SLC4A4: variants seen among roughly 807,000 people sequenced by gnomAD.
SLC4A4 encodes the protein solute carrier family 4 member 4.
SLC4A4 carries 27 observed loss-of-function variants against 111.5 expected under a neutral mutation model. The ratio of observed to expected loss-of-function variants is 0.24; its 90% CI spans 0.18 to 0.33. The LOEUF (loss-of-function observed/expected upper bound fraction) is 0.33, where lower values mean the gene tolerates loss of function less well. Among genes scored for constraint, SLC4A4 ranks in the 10% least tolerant of loss-of-function variants. The pLI is 1.00. For synonymous variants in SLC4A4, 443 were observed against 463.4 expected (o/e 0.96, Z 0.57); for missense variants, 909 against 1,315.5 (o/e 0.69, Z 4.78).
At chr4:71,547,817 C>T in intron 20 of SLC4A4, 97 bp downstream of exon 20, 1 of 1,033,996 alleles carries the variant, frequency 9.7e-7, no homozygotes, top group East Asian at 2.4e-5. Flanking sequence ...TTGCGAGATT[C>T]TCATCAGTTC....
At chr4:71,384,982 C>G (rs1013156290) in intron 6 of SLC4A4, among the ~76,000 whole-genome samples, 1 of 151,102 alleles carries the variant, frequency 6.6e-6, no homozygotes, top group Non-Finnish European at 1.5e-5. Flanking sequence ...ACCTATGTAA[C>G]AAAACTGCAC....
At chr4:71,262,650 C>T (rs1001016975) in intron 3 of SLC4A4, among the ~76,000 whole-genome samples, 3 of 152,198 alleles carry the variant, frequency 2.0e-5, no homozygotes, top group South Asian at 2.1e-4. Context: ...GGAATTTCAG[C>T]GTTAAGTTCA....
At chr4:71,217,561 TCAAAAAA>T (rs1718510573) in intron 1 of SLC4A4, among the ~76,000 whole-genome samples, 1 of 152,130 alleles carries the variant, frequency 6.6e-6, no homozygotes, top group Non-Finnish European at 1.5e-5. Flanking sequence ...AGACTCCATC[TCAAAAAA>T]CAAAAACAAA....
chr4:71,394,408 C>G (rs1452025795), intron 6 of SLC4A4, among the ~76,000 whole-genome samples: 1 of 152,046 alleles, frequency 6.6e-6, no homozygotes, highest in African/African-American at 2.4e-5. Flanking sequence ...AAATGCCCAA[C>G]ATCAGGAATG....
In SLC4A4 at chr4:71,568,935, T is replaced by C. The variant is rs1578205840; in HGVS notation, c.*1184T>C. On this transcript the variant is annotated 3_prime_UTR_variant, in exon 26 of 26. Coordinates refer to ENST00000264485, the MANE Select transcript of SLC4A4 (RefSeq NM_001098484.3). ...ACTCCTATGTCATGAGAATAACCGA[T>C]GTTCTGATAATAGTAGCATCTAGGT... 6.6e-6 allele frequency: 1 copy of C among 151,762 alleles called. No individual in the cohort carries two copies. The highest frequency in any genetic ancestry group is 2.4e-5 in the African/African-American group (1 of 41,382). The allele number at this position is 151,762 out of a possible 1,614,324, so 9.4% of individuals were successfully genotyped here.
intron 16 of SLC4A4, among the ~76,000 whole-genome samples, chr4:71,504,318 T>C (rs889124686): frequency 5.9e-5 from 9 of 152,138 alleles, no homozygotes; most frequent in African/African-American, 2.2e-4. Flanking sequence ...TAATTCTTAT[T>C]TATTTTTTCC....
intron 2 of SLC4A4, among the ~76,000 whole-genome samples, chr4:71,163,875 C>G (rs929285811): frequency 6.6e-6 from 1 of 152,208 alleles, no homozygotes; most frequent in Admixed American, 6.5e-5. Flanking sequence ...CTGGTTTAAA[C>G]TAATTTCTTG....
intron 6 of SLC4A4, among the ~76,000 whole-genome samples, chr4:71,390,429 C>A (rs930176193): frequency 1.1e-4 from 17 of 152,146 alleles, no homozygotes; most frequent in African/African-American, 4.1e-4. Context: ...ATTCAGAAGC[C>A]TGTGGTGTAA....
intron 6 of SLC4A4, among the ~76,000 whole-genome samples, chr4:71,390,474 T>A (rs1719153793): frequency 6.6e-6 from 1 of 152,200 alleles, no homozygotes; most frequent in South Asian, 2.1e-4. Flanking sequence ...GCCTTTAGCA[T>A]CCTTCTTTGC....
At chr4:71,434,568 C>G (rs1723941259) in intron 7 of SLC4A4, 2 of 152,514 alleles carry the variant, frequency 1.3e-5, no homozygotes, top group Non-Finnish European at 2.9e-5. Flanking sequence ...CCCATAAAAG[C>G]TCTCAATTAT....
intron 16 of SLC4A4, among the ~76,000 whole-genome samples, chr4:71,517,110 T>C (rs1341950307): frequency 1.3e-5 from 2 of 152,152 alleles, no homozygotes; most frequent in African/African-American, 4.8e-5. Flanking sequence ...ACCTTTGACC[T>C]TCCTATAGCT....
At chr4:71,262,471 A>G (rs564922417) in intron 3 of SLC4A4, among the ~76,000 whole-genome samples, 22 of 152,288 alleles carry the variant, frequency 1.4e-4, no homozygotes, top group Middle Eastern at 3.4e-3. Flanking sequence ...GCGAGCAAGG[A>G]GTCTCCATTT....
At chr4:71,199,110 G>A (rs1057373448) in intron 1 of SLC4A4, among the ~76,000 whole-genome samples, 4 of 152,166 alleles carry the variant, frequency 2.6e-5, no homozygotes, top group African/African-American at 9.7e-5. Flanking sequence ...TTATCATTTT[G>A]TAGAATAATT....
chr4:71,115,233 G>T (rs1376419480), intron 2 of SLC4A4, among the ~76,000 whole-genome samples: 1 of 150,374 alleles, frequency 6.7e-6, no homozygotes, highest in Non-Finnish European at 1.5e-5. Flanking sequence ...TATACCTAAT[G>T]CTAGATGACG....
intron 2 of SLC4A4, among the ~76,000 whole-genome samples, chr4:71,172,002 T>G (rs1342746325): frequency 2.6e-5 from 4 of 152,322 alleles, no homozygotes; most frequent in East Asian, 3.9e-4. Context: ...TCTTTTTCCC[T>G]TATTAGAATT....
chr4:71,531,930 C>A lies in SLC4A4; in HGVS notation c.2167-132C>A, dbSNP rs1733968960. 4.4e-6 allele frequency: 3 copies of A among 685,360 alleles called. No homozygotes were observed. The South Asian group carries it at 4.8e-5, about 11-fold the overall frequency. The allele number at this position is 685,360 out of a possible 1,614,324, so 42.5% of individuals were successfully genotyped here. A position where few individuals can be genotyped will look rare whatever the true frequency, so the allele number is the denominator to read the frequency against. Reference sequence around the variant, plus strand: ...AAAATAATTTTTCTGCACTCTGATACCTCCTTCAATTTGTTGATGAAGCTG... The same window carrying A: ...AAAATAATTTTTCTGCACTCTGATAACTCCTTCAATTTGTTGATGAAGCTG... On this transcript the variant is annotated intron_variant, in intron 16 of 25. Transcript: ENST00000264485.
intron 5 of SLC4A4, among the ~76,000 whole-genome samples, chr4:71,351,998 A>T (rs1729885028): frequency 6.6e-6 from 1 of 152,186 alleles, no homozygotes; most frequent in Non-Finnish European, 1.5e-5. Flanking sequence ...ATATGAGAAG[A>T]GATCTTGGAT....
intron 14 of SLC4A4, among the ~76,000 whole-genome samples, chr4:71,481,679 C>CA (rs900426011): frequency 1.3e-5 from 2 of 151,640 alleles, no homozygotes; most frequent in Non-Finnish European, 3.0e-5. Context: ...TTTTCACACA[C>CA]AAAAAATTTT....
At chr4:71,448,219 C>G (rs1725414526) in intron 9 of SLC4A4, among the ~76,000 whole-genome samples, 1 of 150,516 alleles carries the variant, frequency 6.6e-6, no homozygotes, top group Non-Finnish European at 1.5e-5. Flanking sequence ...ACTCAGAAGG[C>G]TGAGGCAGGA....
Sources: gnomAD v4.1 joint callset for allele counts (sites outside exome capture counted in the v4.1 genomes callset) on GRCh38, gnomAD v4.1.1 for gene constraint, MANE v1.5 for transcripts, NCBI Gene and HGNC (gene_info 2026-07-23, HGNC 2026-07-21) for gene names.